Variants in PWWP2A observed in about 807,000 individuals in gnomAD.
PWWP2A encodes PWWP domain-containing protein 2A.
A neutral mutation model predicts 48.5 loss-of-function variants in PWWP2A; 18 were observed. The observed-to-expected ratio is 0.37, with a 90% CI of 0.26 to 0.55. The LOEUF is 0.55. Among genes scored for constraint, PWWP2A ranks in the 20% least tolerant of loss-of-function variants. PWWP2A has a pLI of 0.81. For missense variants in PWWP2A, 867 were observed against 976.4 expected (o/e 0.89, Z 1.49); for synonymous variants, 396 against 387.7 (o/e 1.02, Z -0.25).
chr5:160,095,642 T>C (rs144314379), intron 1 of PWWP2A, among the ~76,000 whole-genome samples: 1 of 152,090 alleles, frequency 6.6e-6, no homozygotes, highest in East Asian at 1.9e-4. Flanking sequence ...ATGTCTATAT[T>C]TTCTACACTA....
chr5:160,081,860 T>G (rs1057513247), intron 2 of PWWP2A, among the ~76,000 whole-genome samples: 1 of 152,208 alleles, frequency 6.6e-6, no homozygotes, highest in Admixed American at 6.5e-5. Flanking sequence ...TCTGAGATCA[T>G]TAGTTAGATA....
intron 1 of PWWP2A, among the ~76,000 whole-genome samples, chr5:160,114,889 C>G (rs1031725445): frequency 6.6e-6 from 1 of 151,842 alleles, no homozygotes; most frequent in African/African-American, 2.4e-5. Context: ...GCCTATAATC[C>G]CAGCACTCTG....
chr5:160,045,477 CA>C, the PWWP2A span, among the ~76,000 whole-genome samples: 1 of 107,586 alleles, frequency 9.3e-6, no homozygotes, highest in South Asian at 3.6e-4. Flanking sequence ...CACACACACA[CA>C]CACACACACA....
At chr5:160,109,819 AAT>A (rs1561699000) in intron 1 of PWWP2A, among the ~76,000 whole-genome samples, 1 of 124,006 alleles carries the variant, frequency 8.1e-6, no homozygotes, top group African/African-American at 3.0e-5. Flanking sequence ...AAAATAATAT[AAT>A]AATATATATA....
intron 1 of PWWP2A, among the ~76,000 whole-genome samples, chr5:160,109,792 T>TATATATATATAAAATAATATAATA (rs1757339881): frequency 1.6e-5 from 2 of 124,726 alleles, no homozygotes; most frequent in Non-Finnish European, 3.3e-5. Flanking sequence ...TATATATATA[T>TATATATATATAAAATAATATAATA]ATATATATAT....
chr5:160,076,913 A>T (rs1259972220), exon 4 of PWWP2A: 2 of 152,212 alleles, frequency 1.3e-5, no homozygotes, highest in Non-Finnish European at 2.9e-5. Context: ...TTAAAAAATA[A>T]ATCAGTATTG....
the PWWP2A span, among the ~76,000 whole-genome samples, chr5:160,047,619 T>C: frequency 6.6e-6 from 1 of 152,174 alleles, no homozygotes; most frequent in Non-Finnish European, 1.5e-5. Context: ...GCTTGAAAAC[T>C]TTCCAGTGGC....
the PWWP2A span, among the ~76,000 whole-genome samples, chr5:160,049,968 A>T: frequency 6.6e-6 from 1 of 151,960 alleles, no homozygotes; most frequent in Non-Finnish European, 1.5e-5. Flanking sequence ...AATCCTAGCT[A>T]CTCGGGAGGC....
Position 160,093,526 on chromosome 5 carries a change from T to A in PWWP2A, c.1124A>T (p.Asn375Ile). 1 of 1,613,946 alleles carries A rather than the reference T, an allele frequency of 6.2e-7. No individual in the cohort carries two copies. Among genetic ancestry groups the A allele is most frequent in the Non-Finnish European group, 8.5e-7 (1 of 1,179,886 alleles). ...ATTTCTTTTCTGGCTTTCATTTTGG[T>A]TTTTCCCATCCACTTTATGGTCAGT... ...LKTDHKVDGKNQNESQKRNAV... is the reference protein window; with the variant it reads ...LKTDHKVDGKIQNESQKRNAV... Residue 375 changes from asparagine to isoleucine, a missense_variant, in exon 2 of 2, where the codon AAC (asparagine) becomes ATC (isoleucine). Asn to Ile is a moderately radical substitution (Grantham distance 149, BLOSUM62 -3). Transcript: ENST00000307063. The surrounding 1 kb of genome is among the most constrained non-coding windows in gnomAD (Gnocchi z 5.8).
chr5:160,066,707 C>T (rs1460973148), intron 3 of PWWP2A: 1 of 151,954 alleles, frequency 6.6e-6, no homozygotes, highest in African/African-American at 2.4e-5. Context: ...AAAGTAATCC[C>T]TTTGAAAAAT....
chr5:160,100,737 G>T (rs532044095), intron 1 of PWWP2A, among the ~76,000 whole-genome samples: 33 of 152,354 alleles, frequency 2.2e-4, no homozygotes, highest in African/African-American at 7.5e-4. Context: ...CAAGCTTATT[G>T]TGGTTCATAT....
At chr5:160,101,666 T>TC (rs1756309249) in intron 1 of PWWP2A, among the ~76,000 whole-genome samples, 1 of 151,684 alleles carries the variant, frequency 6.6e-6, no homozygotes, top group African/African-American at 2.4e-5. Flanking sequence ...ATTTTTTTTT[T>TC]TACAATTTCA....
downstream of PWWP2A, chr5:160,091,000 G>T (rs573155798): frequency 1.0e-6 from 1 of 985,244 alleles, no homozygotes; most frequent in East Asian, 1.1e-4. Flanking sequence ...AAACCAAACA[G>T]AAGAGACCGG....
intron 5 of PWWP2A, among the ~76,000 whole-genome samples, chr5:160,062,987 A>G (rs1010843921): frequency 6.6e-6 from 1 of 152,152 alleles, no homozygotes; most frequent in African/African-American, 2.4e-5. Flanking sequence ...GCAGGCACCC[A>G]GGGTTTATGC....
At position 160,093,206 on chromosome 5, in the gene PWWP2A, T is replaced by G. The variant is rs2113532430; in HGVS notation, c.1444A>C (p.Arg482=). Residue 482 remains arginine (R), a synonymous_variant, in exon 2 of 2, where the codon AGG becomes CGG. Transcript: ENST00000307063. The surrounding 1 kb of genome is among the most constrained non-coding windows in gnomAD (Gnocchi z 5.8). ...AGAGAAGAGTCATTTTCTTCATTCCTGTACCTCTGTGGTTTTAAACGAACC... is the reference window on the plus strand; with the variant it reads ...AGAGAAGAGTCATTTTCTTCATTCCGGTACCTCTGTGGTTTTAAACGAACC... ...PRVRLKPQRY[R]NEENDSSLKT... is the part of the protein sequence containing the mutation. The G allele has an allele frequency of 2.5e-6, 4 of 1,614,022 alleles. No individual in the cohort carries two copies. The highest frequency in any genetic ancestry group is 4.5e-5 in the East Asian group (2 of 44,886).
downstream of PWWP2A, chr5:160,090,523 A>AT (rs1253753353): frequency 1.0e-6 from 1 of 984,088 alleles, no homozygotes; most frequent in East Asian, 1.1e-4. Flanking sequence ...AGGAAAGAAT[A>AT]TGTTCTACTC....
downstream of PWWP2A, among the ~76,000 whole-genome samples, chr5:160,071,323 G>A (rs969963673): frequency 6.6e-6 from 1 of 152,160 alleles, no homozygotes; most frequent in Non-Finnish European, 1.5e-5. Flanking sequence ...AGGAAGACCC[G>A]GCGCAGGAGC....
At chr5:160,108,524 G>C (rs1415923324) in intron 1 of PWWP2A, 3 of 1,227,340 alleles carry the variant, frequency 2.4e-6, no homozygotes, top group South Asian at 2.5e-5. Flanking sequence ...TGTAGTATAA[G>C]CTACTGATAC....
Position 160,078,378 on chromosome 5 carries a change from T to G in PWWP2A, c.1670-210A>C, listed in dbSNP as rs555085816. ...AGAAATATTCATGTTATTTCTGAAG[T>G]ATTATCAGGCCAGTTTCCAACACAA... On this transcript the variant is annotated intron_variant, in intron 3 of 3. Transcript: ENST00000456329. This position sits in a 1 kb window ranked among gnomAD's most constrained non-coding sequence, Gnocchi z 4.2. Among the ~76,000 whole-genome samples the G allele has an allele frequency of 1.3e-5, 2 of 152,240 alleles. No individual in the cohort carries two copies. Among genetic ancestry groups the G allele is most frequent in the African/African-American group, 4.8e-5 (2 of 41,470 alleles).
Sources: allele counts gnomAD v4.1 joint callset (sites outside exome capture counted in the v4.1 genomes callset), GRCh38; gene constraint gnomAD v4.1.1; non-coding constraint Gnocchi (gnomAD v3.1); transcripts MANE v1.5; gene names NCBI Gene and HGNC (gene_info 2026-07-23, HGNC 2026-07-21).